The following RIMS2 variants were observed in gnomAD, a reference collection of about 807,000 sequenced individuals.
RIMS2 encodes regulating synaptic membrane exocytosis 2.
A neutral mutation model predicts 174.4 loss-of-function variants in RIMS2; 59 were observed. The ratio of observed to expected loss-of-function variants is 0.34; its 90% confidence interval spans 0.27 to 0.42. RIMS2 has a LOEUF of 0.42. Ranked by LOEUF, RIMS2 falls within the 10% of genes least tolerant of loss-of-function variation. The probability of loss-of-function intolerance (pLI) is 1.00; values close to 1 mark genes in which losing one functional copy is unlikely to be tolerated. For missense variants in RIMS2, 1,620 were observed against 1,666.3 expected, an observed-to-expected ratio of 0.97 and a Z score of 0.48; for synonymous variants, 606 against 572.5, an observed-to-expected ratio of 1.06 and a Z score of -0.84.
chr8:104,115,171 G>A (rs1179444940), intron 19 of RIMS2, among the ~76,000 whole-genome samples: 3 of 152,036 alleles, frequency 2.0e-5, no homozygotes, highest in Non-Finnish European at 2.9e-5. Context: ...AAAATAAATT[G>A]CATAGGAATA....
At chr8:103,913,605 T>C (rs1415492457) in intron 6 of RIMS2, among the ~76,000 whole-genome samples, 1 of 151,866 alleles carries the variant, frequency 6.6e-6, no homozygotes, top group Non-Finnish European at 1.5e-5. Flanking sequence ...AGAAAAGAGG[T>C]TTAATCAGCT....
chr8:103,975,200 CTT>C (rs2093311965), intron 15 of RIMS2, 148 bp from the exon 18 acceptor site: 2 of 463,614 alleles, frequency 4.3e-6, no homozygotes, highest in Non-Finnish European at 7.6e-6. Flanking sequence ...AATATTTTGT[CTT>C]AATATCATGG....
At chr8:103,757,457 C>T (rs1421929847) in intron 2 of RIMS2, among the ~76,000 whole-genome samples, 1 of 151,952 alleles carries the variant, frequency 6.6e-6, no homozygotes, top group African/African-American at 2.4e-5. Context: ...ATTTCTTTCT[C>T]ATATATATTT....
At chr8:103,503,628 C>T (rs75895760) in intron 1 of RIMS2, among the ~76,000 whole-genome samples, 2,781 of 151,894 alleles carry the variant, frequency 0.018, 67 homozygotes, top group African/African-American at 0.06. Flanking sequence ...TGCCTTTTAA[C>T]ATTTATGTTA....
At chr8:104,248,392 G>A (rs543749163) in intron 20 of RIMS2, among the ~76,000 whole-genome samples, 3 of 152,284 alleles carry the variant, frequency 2.0e-5, no homozygotes, top group African/African-American at 7.2e-5. Flanking sequence ...CCTGGATGGA[G>A]TAAGTGCTCA....
chr8:104,038,842 A>G (rs2096562309), intron 19 of RIMS2, among the ~76,000 whole-genome samples: 1 of 151,844 alleles, frequency 6.6e-6, no homozygotes, highest in Non-Finnish European at 1.5e-5. Flanking sequence ...CTATAGTTAT[A>G]TATTGAGATT....
intron 3 of RIMS2, among the ~76,000 whole-genome samples, chr8:103,831,371 G>A (rs371221649): frequency 9.3e-4 from 141 of 152,156 alleles, no homozygotes; most frequent in African/African-American, 3.2e-3. Flanking sequence ...TTCTTTCTGC[G>A]TGGCTAATAA....
At chr8:103,555,760 C>T (rs1414948194) in intron 1 of RIMS2, among the ~76,000 whole-genome samples, 1 of 150,452 alleles carries the variant, frequency 6.6e-6, no homozygotes, top group Non-Finnish European at 1.5e-5. Flanking sequence ...GTGCCCCTGT[C>T]CTGCAGCCTG....
At chr8:104,234,231 C>A (rs1447081) in intron 19 of RIMS2, among the ~76,000 whole-genome samples, 28,363 of 151,978 alleles carry the variant, frequency 0.19, 2,900 homozygotes, top group Non-Finnish European at 0.23. Context: ...TGCAAATAGT[C>A]AAATAGGAAC....
chr8:103,527,823 C>T (rs1230670389), intron 1 of RIMS2, among the ~76,000 whole-genome samples: 2 of 152,318 alleles, frequency 1.3e-5, no homozygotes, highest in Admixed American at 1.3e-4. Context: ...CAAGTCTTTG[C>T]TATTGTGAAT....
At chr8:104,201,385 T>C (rs532356176) in intron 19 of RIMS2, among the ~76,000 whole-genome samples, 4 of 152,216 alleles carry the variant, frequency 2.6e-5, no homozygotes, top group South Asian at 4.1e-4. Flanking sequence ...TCTAAAAAGA[T>C]TCTCAAAATA....
At chr8:104,194,584 A>G (rs1415364511) in intron 19 of RIMS2, among the ~76,000 whole-genome samples, 1 of 152,208 alleles carries the variant, frequency 6.6e-6, no homozygotes, top group Non-Finnish European at 1.5e-5. Flanking sequence ...ACTCATTAGC[A>G]AAAATCATTT....
chr8:103,653,107 A>C (rs896230097), intron 1 of RIMS2, among the ~76,000 whole-genome samples: 5 of 152,188 alleles, frequency 3.3e-5, no homozygotes, highest in African/African-American at 4.8e-5. Context: ...AAAAAGGTTA[A>C]GCAAGTTTCT....
At chr8:104,055,287 C>T (rs527499546) in intron 19 of RIMS2, among the ~76,000 whole-genome samples, 1 of 152,018 alleles carries the variant, frequency 6.6e-6, no homozygotes, top group Non-Finnish European at 1.5e-5. Flanking sequence ...ATTTAGATCC[C>T]AGATATGGAA....
intron 1 of RIMS2, among the ~76,000 whole-genome samples, chr8:103,557,160 T>C (rs2090641089): frequency 6.6e-6 from 1 of 152,232 alleles, no homozygotes; most frequent in Non-Finnish European, 1.5e-5. Flanking sequence ...TAGTAGATTC[T>C]CAAAAACCGA....
intron 1 of RIMS2, among the ~76,000 whole-genome samples, chr8:103,580,081 C>G (rs560693044): frequency 2.5e-4 from 38 of 152,036 alleles, no homozygotes; most frequent in African/African-American, 8.7e-4. Context: ...GGTGGGGACA[C>G]AGAGCAAAAC....
At chr8:103,971,521 C>T (rs1337653093) in intron 15 of RIMS2, among the ~76,000 whole-genome samples, 1 of 152,054 alleles carries the variant, frequency 6.6e-6, no homozygotes, top group African/African-American at 2.4e-5. Context: ...TCCCCTTCTC[C>T]AAGCTAGTCA....
intron 3 of RIMS2, among the ~76,000 whole-genome samples, chr8:103,865,379 G>A (rs1564989764): frequency 6.7e-6 from 1 of 149,606 alleles, no homozygotes; most frequent in South Asian, 2.1e-4. Context: ...CCGCCTCCTG[G>A]GTTCAAGAGA....
intron 1 of RIMS2, among the ~76,000 whole-genome samples, chr8:103,586,070 C>T (rs1246978472): frequency 1.3e-5 from 2 of 151,974 alleles, no homozygotes; most frequent in African/African-American, 4.8e-5. Flanking sequence ...CTATATGCAT[C>T]AAAAACTGGA....
Sources: gnomAD v4.1 joint callset for allele counts (sites outside exome capture counted in the v4.1 genomes callset) on GRCh38, gnomAD v4.1.1 for gene constraint, MANE v1.5 for transcripts, NCBI Gene and HGNC (gene_info 2026-07-23, HGNC 2026-07-21) for gene names.